The following RAB1A variants were observed in gnomAD, a reference collection of about 807,000 sequenced individuals.
RAB1A encodes the protein ras-related protein Rab-1A.
Under a neutral mutation model 26.0 loss-of-function variants are expected in RAB1A, and 2 were observed. The ratio of observed to expected loss-of-function variants is 0.08; its 90% CI spans 0.03 to 0.24. The LOEUF is 0.24. RAB1A is among the 10% of genes least tolerant of loss of function. The pLI, the probability that RAB1A is intolerant of heterozygous loss-of-function variation, is 1.00. For synonymous variants in RAB1A, 84 were observed against 84.9 expected, an observed-to-expected ratio of 0.99 and a Z score of 0.06; for missense variants, 100 against 247.0, an observed-to-expected ratio of 0.40 and a Z score of 3.99.
chr2:65,125,818 C>G (rs939220602), intron 1 of RAB1A, among the ~76,000 whole-genome samples: 3 of 150,656 alleles, frequency 2.0e-5, no homozygotes, highest in Admixed American at 6.6e-5. Context: ...AAGCTTTAAC[C>G]CTTTCTATCT....
intron 2 of RAB1A, among the ~76,000 whole-genome samples, chr2:65,103,624 G>A (rs1669487323): frequency 6.6e-6 from 1 of 152,018 alleles, no homozygotes; most frequent in Non-Finnish European, 1.5e-5. Context: ...TTATTACCAA[G>A]TAAATATTTC....
Position 65,129,991 on chromosome 2 carries a change from A to G in RAB1A, c.-76T>C, listed in dbSNP as rs61758849. 5.3e-4 allele frequency: 784 copies of G among 1,492,280 alleles called. 7 individuals are homozygous for G. The East Asian group carries it at 8.1e-3, about 15-fold the overall frequency. The allele number at this position is 1,492,280 out of a possible 1,614,324, so 92.4% of individuals were successfully genotyped here. A position where few individuals can be genotyped will look rare whatever the true frequency, so the allele number is the denominator to read the frequency against. ...CGCCCTGACTCTCCGCGCCACGGGT[A>G]ATCGAAAGAAAGGAATGAGATAGGC... On this transcript the variant is annotated 5_prime_UTR_variant, in exon 1 of 6. Transcript: ENST00000409784.
intron 1 of RAB1A, among the ~76,000 whole-genome samples, chr2:65,129,567 A>C (rs761236888): frequency 6.6e-6 from 1 of 151,896 alleles, no homozygotes; most frequent in Non-Finnish European, 1.5e-5. Flanking sequence ...CTCCTTCAAA[A>C]GTCACTGCCT....
At chr2:65,104,852 T>C (rs759992760) in intron 1 of RAB1A, 46 bp from the exon 2 acceptor site, 6 of 1,421,438 alleles carry the variant, frequency 4.2e-6, no homozygotes, top group South Asian at 3.4e-5. Flanking sequence ...GCACACTGCA[T>C]TGCTATAAGC....
Position 65,098,078 on chromosome 2 carries a change from A to G in RAB1A, c.97-12T>C. The G allele has an allele frequency of 7.0e-7, 1 of 1,424,344 alleles. No homozygotes were observed. The highest frequency in any genetic ancestry group is 9.5e-7 in the Non-Finnish European group (1 of 1,047,408). The allele number at this position is 1,424,344 out of a possible 1,614,324, so 88.2% of individuals were successfully genotyped here. A position where few individuals can be genotyped will look rare whatever the true frequency, so the allele number is the denominator to read the frequency against. The stretch of plus-strand genomic sequence containing the variant: ...GTATATGTATCATCCTGAAGGGGGA[A>G]ATAATTAACAATTAAATGTATTGTT... On this transcript the variant is annotated splice_polypyrimidine_tract_variant and intron_variant, in intron 2 of 5. Coordinates refer to ENST00000409784, the MANE Select transcript of RAB1A (RefSeq NM_004161.5).
At chr2:65,117,252 G>C (rs13383649) in intron 1 of RAB1A, among the ~76,000 whole-genome samples, 24,337 of 151,886 alleles carry the variant, frequency 0.16, 2,092 homozygotes, top group African/African-American at 0.22. Context: ...TAGTTTTTTA[G>C]AGACAGGGTC....
intron 1 of RAB1A, among the ~76,000 whole-genome samples, chr2:65,127,236 T>C (rs1392711422): frequency 6.6e-6 from 1 of 152,112 alleles, no homozygotes; most frequent in Non-Finnish European, 1.5e-5. Flanking sequence ...CATTCCTCCT[T>C]CTTCTCCCCC....
intron 2 of RAB1A, among the ~76,000 whole-genome samples, chr2:65,101,326 C>T (rs554375022): frequency 6.6e-6 from 1 of 152,236 alleles, no homozygotes; most frequent in Admixed American, 6.5e-5. Flanking sequence ...CAGTTTTGAG[C>T]TCAGGCAATA....
chr2:65,110,112 G>C (rs992178304), intron 1 of RAB1A, among the ~76,000 whole-genome samples: 2 of 152,082 alleles, frequency 1.3e-5, no homozygotes, highest in Non-Finnish European at 2.9e-5. Context: ...CAAAATATTA[G>C]GGGGAAAAAA....
At chr2:65,109,709 CAAA>C (rs112595111) in intron 1 of RAB1A, among the ~76,000 whole-genome samples, 1 of 125,206 alleles carries the variant, frequency 8.0e-6, no homozygotes, top group African/African-American at 2.9e-5. Flanking sequence ...GACTCCATCT[CAAA>C]AAAAAAAAAA....
chr2:65,098,930 G>C (rs899395923), intron 2 of RAB1A, among the ~76,000 whole-genome samples: 2 of 144,004 alleles, frequency 1.4e-5, no homozygotes, highest in Non-Finnish European at 3.0e-5. Context: ...CTGTCTCCCG[G>C]GGTCCAAGCA....
chr2:65,116,891 C>T (rs535409870), intron 1 of RAB1A, among the ~76,000 whole-genome samples: 2 of 152,320 alleles, frequency 1.3e-5, no homozygotes, highest in East Asian at 1.9e-4. Flanking sequence ...GCTTCATTTG[C>T]TTTTCATAGA....
intron 1 of RAB1A, among the ~76,000 whole-genome samples, chr2:65,118,765 C>G (rs1669882006): frequency 6.6e-6 from 1 of 152,128 alleles, no homozygotes; most frequent in Admixed American, 6.6e-5. Flanking sequence ...GGCGTCAGCC[C>G]CCGCACCCGG....
At chr2:65,098,642 G>A (rs1669345413) in intron 2 of RAB1A, among the ~76,000 whole-genome samples, 1 of 151,868 alleles carries the variant, frequency 6.6e-6, no homozygotes, top group Non-Finnish European at 1.5e-5. Flanking sequence ...ACGAATTCCA[G>A]GACATTTTCT....
chr2:65,100,486 G>A (rs12472718), intron 2 of RAB1A, among the ~76,000 whole-genome samples: 92,851 of 150,334 alleles, frequency 0.62, 29,063 homozygotes, highest in East Asian at 0.67. Flanking sequence ...GAGGCCAGGC[G>A]CAGTGGCTCA....
intron 1 of RAB1A, among the ~76,000 whole-genome samples, chr2:65,117,737 T>G (rs1669858048): frequency 2.0e-5 from 3 of 151,122 alleles, no homozygotes; most frequent in Non-Finnish European, 4.4e-5. Context: ...CAGCTAGTTT[T>G]TTTTTTTTTT....
chr2:65,129,748 A>C, intron 1 of RAB1A, 145 bp downstream of exon 1: 1 of 1,327,978 alleles, frequency 7.5e-7, no homozygotes, highest in Non-Finnish European at 1.0e-6. Flanking sequence ...ATGGGGCCCG[A>C]CTCCCGGCCG....
intron 2 of RAB1A, among the ~76,000 whole-genome samples, chr2:65,101,678 T>C (rs1669430619): frequency 6.6e-6 from 1 of 151,066 alleles, no homozygotes; most frequent in East Asian, 1.9e-4. Context: ...CTTAAAGGCC[T>C]TTAATTACAA....
chr2:65,097,980 CTTGA>C lies in RAB1A; in HGVS notation c.179_182del (p.Ile60SerfsTer28). ...TAGCCAAGTCACTTACTATTTGAAG[CTTGA>C]TTGTTTTCCCGTCTAACTCTATAGT... On this transcript the variant is annotated frameshift_variant, in exon 3 of 6. Transcript: ENST00000409784. LOFTEE classifies it high-confidence loss of function. 6.5e-7 allele frequency: 1 copy of C among 1,548,264 alleles called. No homozygotes were observed. Among genetic ancestry groups the C allele is most frequent in the East Asian group, 2.3e-5 (1 of 43,786 alleles).
Sources: gnomAD v4.1 joint callset for allele counts (sites outside exome capture counted in the v4.1 genomes callset) on GRCh38, gnomAD v4.1.1 for gene constraint, MANE v1.5 for transcripts, NCBI Gene and HGNC (gene_info 2026-07-23, HGNC 2026-07-21) for gene names.